Variants in CDH13 observed in about 807,000 individuals in gnomAD.
CDH13 encodes the protein cadherin 13.
A neutral mutation model predicts 63.8 loss-of-function variants in CDH13; 24 were observed. That is an observed-to-expected ratio of 0.38 (90% CI 0.27 to 0.53). CDH13 has a LOEUF of 0.53. Among genes scored for constraint, CDH13 ranks in the 20% least tolerant of loss-of-function variants. CDH13 has a pLI of 0.85. For synonymous variants in CDH13, 503 were observed against 355.3 expected (o/e 1.42, Z -4.67); for missense variants, 1,049 against 903.1 (o/e 1.16, Z -2.07).
rs2090571345 is a variant in CDH13 at position 83,335,397 on chromosome 16, C to CAT, written c.637-9464_637-9463insTA. ...TTCAAGGTTTTGTGTGAGTCAAACA[C>CAT]ACACACACACAGTTCCTTTGTCTGA... is the stretch of plus-strand genomic sequence containing the variant. On this transcript the variant is annotated intron_variant, in intron 5 of 13. Coordinates refer to ENST00000567109, the MANE Select transcript of CDH13 (RefSeq NM_001257.5). 2.6e-5 allele frequency among the ~76,000 whole-genome samples: 4 copies of CAT among 151,850 alleles called. No individual in the cohort carries two copies. The South Asian group carries it at 8.4e-4, about 32-fold the overall frequency.
intron 2 of CDH13, among the ~76,000 whole-genome samples, chr16:82,924,644 C>A (rs1382552756): frequency 6.6e-6 from 1 of 152,138 alleles, no homozygotes; most frequent in Non-Finnish European, 1.5e-5. Context: ...AGCCCGGGAG[C>A]ACTAGGAAGG....
intron 4 of CDH13, among the ~76,000 whole-genome samples, chr16:83,147,760 G>A (rs2036812247): frequency 6.6e-6 from 1 of 152,094 alleles, no homozygotes; most frequent in Non-Finnish European, 1.5e-5. Context: ...TTGTCCACCT[G>A]AGTATCTTCT....
Position 83,283,396 on chromosome 16 carries a change from G to A in CDH13, c.637-61466G>A, listed in dbSNP as rs113162267. Among the ~76,000 whole-genome samples the A allele has an allele frequency of 4.8e-3, 726 of 152,282 alleles. 4 individuals are homozygous for A. The highest frequency in any genetic ancestry group is 0.017 in the African/African-American group (687 of 41,546). On this transcript the variant is annotated intron_variant, in intron 5 of 13. Coordinates refer to ENST00000567109, the MANE Select transcript of CDH13 (RefSeq NM_001257.5). ...GCTTGAGGCTGGGAATTCAAGACCA[G>A]CCTGGCCAACATGGTGAAACCCTGT...
chr16:83,039,874 C>G (rs972545245), intron 3 of CDH13, among the ~76,000 whole-genome samples: 2 of 152,128 alleles, frequency 1.3e-5, no homozygotes, highest in Admixed American at 1.3e-4. Flanking sequence ...ACCCTATGGT[C>G]AGCACCATTG....
chr16:83,491,231 G>A (rs2074004862), intron 7 of CDH13, among the ~76,000 whole-genome samples: 1 of 152,234 alleles, frequency 6.6e-6, no homozygotes, highest in African/African-American at 2.4e-5. Flanking sequence ...GAATAGGATG[G>A]ACAGGAGTAT....
chr16:82,834,647 A>G (rs1284186617), intron 1 of CDH13, among the ~76,000 whole-genome samples: 1 of 152,160 alleles, frequency 6.6e-6, no homozygotes, highest in Non-Finnish European at 1.5e-5. Context: ...GTTTCTTCAC[A>G]GTGGTCAGCC....
chr16:83,356,392 CT>C (rs1461166231), intron 6 of CDH13, among the ~76,000 whole-genome samples: 1 of 152,106 alleles, frequency 6.6e-6, no homozygotes, highest in Non-Finnish European at 1.5e-5. Flanking sequence ...GATTCTCCCC[CT>C]AGCGGTAGTT....
At chr16:83,141,551 G>T (rs959867528) in intron 4 of CDH13, among the ~76,000 whole-genome samples, 1 of 152,146 alleles carries the variant, frequency 6.6e-6, no homozygotes, top group Non-Finnish European at 1.5e-5. Flanking sequence ...TGCAGAATGT[G>T]CAGGTTTGTT....
chr16:82,849,417 G>A (rs1251480841), intron 1 of CDH13, among the ~76,000 whole-genome samples: 1 of 152,120 alleles, frequency 6.6e-6, no homozygotes, highest in East Asian at 1.9e-4. Context: ...CAGGAGAATC[G>A]GTTGAACCAG....
intron 13 of CDH13, among the ~76,000 whole-genome samples, chr16:83,786,025 G>T (rs1196940296): frequency 2.6e-5 from 4 of 152,136 alleles, no homozygotes; most frequent in Non-Finnish European, 5.9e-5. Context: ...GAAGATGTTT[G>T]CTACCGATGG....
intron 6 of CDH13, among the ~76,000 whole-genome samples, chr16:83,399,639 G>A (rs1213364342): frequency 1.3e-5 from 2 of 152,136 alleles, no homozygotes; most frequent in Non-Finnish European, 2.9e-5. Flanking sequence ...TCTGAGATGA[G>A]GTCATAAAAG....
chr16:83,197,782 A>T (rs1405224124), intron 4 of CDH13, among the ~76,000 whole-genome samples: 2 of 148,484 alleles, frequency 1.3e-5, no homozygotes, highest in Non-Finnish European at 3.0e-5. Context: ...ACTCTCACAC[A>T]CTCACACACT....
At chr16:83,311,928 G>T (rs531286434) in intron 5 of CDH13, among the ~76,000 whole-genome samples, 68 of 152,116 alleles carry the variant, frequency 4.5e-4, no homozygotes, top group African/African-American at 1.6e-3. Flanking sequence ...TACAAAATTA[G>T]CCAGGCGTGG....
intron 2 of CDH13, among the ~76,000 whole-genome samples, chr16:82,880,505 A>G (rs1210278812): frequency 1.3e-5 from 2 of 152,116 alleles, no homozygotes; most frequent in African/African-American, 2.4e-5. Flanking sequence ...TGATGGATTT[A>G]GGGAAATGGA....
chr16:83,534,050 G>C (rs2075136928), intron 7 of CDH13, among the ~76,000 whole-genome samples: 1 of 152,168 alleles, frequency 6.6e-6, no homozygotes, highest in African/African-American at 2.4e-5. Flanking sequence ...GGACAGTGTT[G>C]TATAAGGCAC....
chr16:83,504,347 G>T (rs557946181), intron 7 of CDH13, among the ~76,000 whole-genome samples: 1 of 152,300 alleles, frequency 6.6e-6, no homozygotes, highest in African/African-American at 2.4e-5. Flanking sequence ...CTCTTCTGAA[G>T]ATCTGCTGTG....
intron 1 of CDH13, among the ~76,000 whole-genome samples, chr16:82,685,767 C>A (rs932748271): frequency 4.6e-5 from 7 of 152,186 alleles, no homozygotes; most frequent in African/African-American, 1.4e-4. Context: ...GTGCCCTCAG[C>A]CCTGTGTCCC....
intron 5 of CDH13, among the ~76,000 whole-genome samples, chr16:83,225,584 G>T (rs1182578700): frequency 6.6e-6 from 1 of 152,132 alleles, no homozygotes; most frequent in Non-Finnish European, 1.5e-5. Flanking sequence ...TTAGCCTTGG[G>T]GTCGGCAGAA....
At chr16:82,698,119 G>A (rs549909432) in intron 1 of CDH13, among the ~76,000 whole-genome samples, 1 of 152,306 alleles carries the variant, frequency 6.6e-6, no homozygotes, top group South Asian at 2.1e-4. Context: ...GGTTCTAACT[G>A]TTGCTGTAGG....
Sources: gnomAD v4.1 joint callset for allele counts (sites outside exome capture counted in the v4.1 genomes callset) on GRCh38, gnomAD v4.1.1 for gene constraint, MANE v1.5 for transcripts, NCBI Gene and HGNC (gene_info 2026-07-23, HGNC 2026-07-21) for gene names.